Variants in PTPN13 observed in about 807,000 individuals in gnomAD.
The protein encoded by PTPN13 is tyrosine-protein phosphatase non-receptor type 13.
Under a neutral mutation model 284.0 loss-of-function variants are expected in PTPN13, and 191 were observed. The observed-to-expected ratio is 0.67, with a 90% CI of 0.60 to 0.76. The LOEUF (loss-of-function observed/expected upper bound fraction) is 0.76, where lower values mean the gene tolerates loss of function less well. PTPN13 is among the 30% of genes least tolerant of loss of function. The probability of loss-of-function intolerance (pLI) is 0.00; values close to 1 mark genes in which losing one functional copy is unlikely to be tolerated. For missense variants in PTPN13, 2,797 were observed against 2,939.9 expected (o/e 0.95, Z 1.12); for synonymous variants, 986 against 1,022.3 (o/e 0.96, Z 0.68).
intron 2 of PTPN13, among the ~76,000 whole-genome samples, chr4:86,637,378 AAAG>A (rs1723150521): frequency 6.6e-6 from 1 of 151,966 alleles, no homozygotes; most frequent in Admixed American, 6.6e-5. Context: ...CACAACCAAA[AAAG>A]AGAATTTTAG....
chr4:86,770,704 A>G (rs1460695625), intron 30 of PTPN13, among the ~76,000 whole-genome samples: 3 of 152,214 alleles, frequency 2.0e-5, no homozygotes, highest in South Asian at 2.1e-4. Context: ...AAAATGGCCT[A>G]TATTCTGACA....
At chr4:86,721,784 G>A (rs1733692809) in intron 9 of PTPN13, among the ~76,000 whole-genome samples, 1 of 139,026 alleles carries the variant, frequency 7.2e-6, no homozygotes, top group Admixed American at 8.0e-5. Context: ...TGTCACCCAG[G>A]ATGGAGTGCA....
chr4:86,808,000 A>C, intron 45 of PTPN13, 103 bp downstream of exon 45: 2 of 1,025,664 alleles, frequency 1.9e-6, no homozygotes, highest in East Asian at 5.2e-5. Flanking sequence ...TAGATAAAAG[A>C]CAGTGACTTC....
chr4:86,690,531 C>T (rs1729912769), intron 5 of PTPN13, among the ~76,000 whole-genome samples: 1 of 151,884 alleles, frequency 6.6e-6, no homozygotes, highest in Non-Finnish European at 1.5e-5. Context: ...GTCTTTTTTT[C>T]AGACATTCTC....
At chr4:86,694,316 C>A (rs537450212) in intron 6 of PTPN13, among the ~76,000 whole-genome samples, 1 of 151,838 alleles carries the variant, frequency 6.6e-6, no homozygotes, top group East Asian at 1.9e-4. Context: ...CGTGGTGGCT[C>A]ACGCCTGTAA....
chr4:86,616,962 G>C (rs1394113775), intron 1 of PTPN13, among the ~76,000 whole-genome samples: 1 of 152,134 alleles, frequency 6.6e-6, no homozygotes, highest in African/African-American at 2.4e-5. Context: ...AGCGTGAATA[G>C]TTGAGATGAG....
intron 2 of PTPN13, among the ~76,000 whole-genome samples, chr4:86,662,418 G>A (rs555895790): frequency 6.6e-6 from 1 of 151,922 alleles, no homozygotes; most frequent in East Asian, 1.9e-4. Flanking sequence ...TGTAACCCCC[G>A]CCTCCCAAGT....
At chr4:86,625,530 GC>G (rs1721735985) in intron 1 of PTPN13, among the ~76,000 whole-genome samples, 1 of 151,972 alleles carries the variant, frequency 6.6e-6, no homozygotes, top group Non-Finnish European at 1.5e-5. Flanking sequence ...CCTCTCACCT[GC>G]TAGATATTTT....
chr4:86,735,803 G>A lies in PTPN13; in HGVS notation c.2304+57G>A, dbSNP rs1363779452. ...TGTATCTTTTCCAAGTAAGCAAGAA[G>A]TGTTAGAGGACACATATCTAAGAGT... On this transcript the variant is annotated intron_variant, in intron 15 of 47. Coordinates refer to ENST00000411767, the MANE Select transcript of PTPN13 (RefSeq NM_080683.3). 4.0e-6 allele frequency: 6 copies of A among 1,496,456 alleles called. No individual in the cohort carries two copies. The Admixed American group carries it at 1.2e-4, about 31-fold the overall frequency. 92.7% of individuals were successfully genotyped at this position (1,496,456 alleles called of 1,614,324 possible). A position where few individuals can be genotyped will look rare whatever the true frequency, so the allele number is the denominator to read the frequency against.
intron 3 of PTPN13, among the ~76,000 whole-genome samples, chr4:86,680,341 ATCTATC>A (rs1283623106): frequency 2.1e-5 from 3 of 140,718 alleles, no homozygotes; most frequent in Non-Finnish European, 3.1e-5. Context: ...TTTCCTTTCT[ATCTATC>A]TCTATCTATC....
chr4:86,645,407 G>C (rs1016797645), intron 2 of PTPN13, among the ~76,000 whole-genome samples: 1 of 151,976 alleles, frequency 6.6e-6, no homozygotes, highest in African/African-American at 2.4e-5. Context: ...CAAATAAAAG[G>C]CATCCAGATT....
At chr4:86,730,480 C>T (rs1483186565) in intron 10 of PTPN13, among the ~76,000 whole-genome samples, 1 of 149,818 alleles carries the variant, frequency 6.7e-6, no homozygotes, top group African/African-American at 2.4e-5. Context: ...AGGTTCCCAG[C>T]CGTTTTGTTT....
At chr4:86,735,457 A>T in intron 14 of PTPN13, 137 bp from the exon 15 acceptor site, 1 of 886,828 alleles carries the variant, frequency 1.1e-6, no homozygotes, top group Non-Finnish European at 1.7e-6. Flanking sequence ...ATTTCTTCTA[A>T]AACTCATTCC....
chr4:86,789,734 C>G (rs993333299), intron 40 of PTPN13, among the ~76,000 whole-genome samples: 1 of 152,250 alleles, frequency 6.6e-6, no homozygotes, highest in Admixed American at 6.5e-5. Context: ...GTCCTTCAGT[C>G]CATAGTGACA....
intron 40 of PTPN13, among the ~76,000 whole-genome samples, chr4:86,793,504 G>C (rs543910930): frequency 1.3e-5 from 2 of 152,090 alleles, no homozygotes; most frequent in African/African-American, 2.4e-5. Flanking sequence ...CCAAGTGGAC[G>C]TAATAGATAT....
intron 3 of PTPN13, among the ~76,000 whole-genome samples, chr4:86,680,921 A>G (rs532523604): frequency 6.6e-6 from 1 of 152,266 alleles, no homozygotes; most frequent in South Asian, 2.1e-4. Context: ...GACTTATAAT[A>G]TGTCCAACAC....
At chr4:86,629,685 C>T (rs891858992) in intron 1 of PTPN13, among the ~76,000 whole-genome samples, 4 of 152,002 alleles carry the variant, frequency 2.6e-5, no homozygotes, top group Non-Finnish European at 5.9e-5. Flanking sequence ...CCTTCAAGAC[C>T]TTATTGTGTG....
Position 86,745,104 on chromosome 4 carries a change from AG to A in PTPN13, c.2627del (p.Ser876ThrfsTer16). ...CCAGCTACAGATGAGAGCAAGACAG[AG>A]CAACCAAGATGCCCAAGATATTGGT... is the stretch of plus-strand genomic sequence containing the variant. ...KFQLQMRARQ[S>X]NQDAQDIERA... On this transcript the variant is annotated frameshift_variant, in exon 17 of 48. Coordinates refer to ENST00000411767, the MANE Select transcript of PTPN13 (RefSeq NM_080683.3). LOFTEE classifies it high-confidence loss of function. 1 of 1,611,060 alleles carries A rather than the reference AG, an allele frequency of 6.2e-7. No individual in the cohort carries two copies. Among genetic ancestry groups the A allele is most frequent in the Non-Finnish European group, 8.5e-7 (1 of 1,178,690 alleles).
intron 10 of PTPN13, among the ~76,000 whole-genome samples, chr4:86,728,237 A>C (rs1734506934): frequency 6.7e-6 from 1 of 149,532 alleles, no homozygotes; most frequent in African/African-American, 2.4e-5. Flanking sequence ...ACTTCCAATT[A>C]TGTGGTCAAT....
Sources: gnomAD v4.1 joint callset for allele counts (sites outside exome capture counted in the v4.1 genomes callset) on GRCh38, gnomAD v4.1.1 for gene constraint, MANE v1.5 for transcripts, NCBI Gene and HGNC (gene_info 2026-07-23, HGNC 2026-07-21) for gene names.